NUP93: variants seen among roughly 807,000 people sequenced by gnomAD.
The protein encoded by NUP93 is nucleoporin 93.
NUP93 carries 55 observed loss-of-function variants against 107.8 expected under a neutral mutation model. The ratio of observed to expected loss-of-function variants is 0.51; its 90% CI spans 0.41 to 0.64. The LOEUF (loss-of-function observed/expected upper bound fraction) is 0.64, where lower values mean the gene tolerates loss of function less well. NUP93 is among the 30% of genes least tolerant of loss of function. The pLI, the probability that NUP93 is intolerant of heterozygous loss-of-function variation, is 0.00. For synonymous variants in NUP93, 390 were observed against 397.5 expected, an observed-to-expected ratio of 0.98 and a Z score of 0.22; for missense variants, 937 against 1,044.7, an observed-to-expected ratio of 0.90 and a Z score of 1.42.
intron 5 of NUP93, among the ~76,000 whole-genome samples, chr16:56,813,046 A>G (rs187954784): frequency 7.2e-5 from 11 of 152,348 alleles, no homozygotes; most frequent in African/African-American, 2.2e-4. Flanking sequence ...TCTATGAACA[A>G]TCCCTTAATG....
At chr16:56,805,749 T>C (rs1963124194) in intron 5 of NUP93, 117 bp downstream of exon 5, 1 of 1,156,350 alleles carries the variant, frequency 8.6e-7, no homozygotes, top group Admixed American at 2.2e-5. Flanking sequence ...TGAAACACTT[T>C]CTTCACTTAG....
chr16:56,797,165 G>A (rs1254635427), intron 3 of NUP93, among the ~76,000 whole-genome samples: 1 of 150,892 alleles, frequency 6.6e-6, no homozygotes, highest in African/African-American at 2.4e-5. Context: ...AGCTACTTGG[G>A]AGGCTGAGGC....
At chr16:56,779,774 ATAC>A (rs1962479276) in intron 3 of NUP93, among the ~76,000 whole-genome samples, 1 of 152,254 alleles carries the variant, frequency 6.6e-6, no homozygotes, top group Non-Finnish European at 1.5e-5. Flanking sequence ...TTTGTTGGCA[ATAC>A]TAAAGAGGAA....
At chr16:56,816,766 A>C (rs1422595265) in intron 5 of NUP93, among the ~76,000 whole-genome samples, 2 of 152,156 alleles carry the variant, frequency 1.3e-5, no homozygotes, top group African/African-American at 4.8e-5. Context: ...ACCTGTTGTT[A>C]AATTTTCAAG....
At chr16:56,738,226 G>A (rs528795515) in intron 1 of NUP93, among the ~76,000 whole-genome samples, 5 of 152,352 alleles carry the variant, frequency 3.3e-5, no homozygotes, top group East Asian at 1.9e-4. Flanking sequence ...GAGGGCTGGC[G>A]TGGGATGGAG....
At chr16:56,795,030 C>G (rs1051470084) in intron 3 of NUP93, among the ~76,000 whole-genome samples, 2 of 150,426 alleles carry the variant, frequency 1.3e-5, no homozygotes, top group Non-Finnish European at 1.5e-5. Context: ...TGACAGAACA[C>G]CAGACTTAAC....
chr16:56,834,920 A>C, intron 16 of NUP93, 142 bp downstream of exon 16: 1 of 637,782 alleles, frequency 1.6e-6, no homozygotes, highest in Non-Finnish European at 2.6e-6. Flanking sequence ...ATGGAATGAA[A>C]ATTATGGGCC....
chr16:56,827,402 C>T (rs1428341949), intron 8 of NUP93, among the ~76,000 whole-genome samples: 3 of 152,098 alleles, frequency 2.0e-5, no homozygotes, highest in East Asian at 1.9e-4. Flanking sequence ...AAAGTAAAAC[C>T]GTTGAGTAAA....
chr16:56,833,082 C>G, intron 12 of NUP93, 133 bp from the exon 13 acceptor site: 1 of 730,638 alleles, frequency 1.4e-6, no homozygotes, highest in South Asian at 1.9e-5. Flanking sequence ...TTGATCAATT[C>G]AGACTCAATC....
At chr16:56,817,510 T>TGA (rs1963457508) in intron 5 of NUP93, among the ~76,000 whole-genome samples, 1 of 152,218 alleles carries the variant, frequency 6.6e-6, no homozygotes, top group Non-Finnish European at 1.5e-5. Flanking sequence ...TTTTTATAAA[T>TGA]GAGATAAGCT....
At chr16:56,816,956 G>A (rs533681373) in intron 5 of NUP93, among the ~76,000 whole-genome samples, 49 of 152,194 alleles carry the variant, frequency 3.2e-4, no homozygotes, top group African/African-American at 9.9e-4. Context: ...AGTGATTGCC[G>A]TTGAAAGTAA....
rs754164838 is a variant in NUP93 at position 56,836,622 on chromosome 16, A to T, written c.1804A>T (p.Thr602Ser). ...TCAGCCTGGAGTCATAGATAAGTTT[A>T]CTAGTGACACAAAGCCTATTATCAA... ...SRKPGVIDKFTSDTKPIINKV... is the reference protein window; with the variant it reads ...SRKPGVIDKFSSDTKPIINKV... The change falls in exon 17 of 22, where the codon ACT becomes TCT. Residue 602 changes from threonine (T) to serine (S), a missense_variant. By Grantham distance (58) the Thr-to-Ser change is moderately conservative (BLOSUM62 1). Coordinates refer to ENST00000308159, the MANE Select transcript of NUP93 (RefSeq NM_014669.5). 9 of 1,612,986 alleles carry T rather than the reference A, an allele frequency of 5.6e-6. No homozygotes were observed. Among genetic ancestry groups the T allele is most frequent in the Non-Finnish European group, 7.6e-6 (9 of 1,179,020 alleles).
intron 3 of NUP93, among the ~76,000 whole-genome samples, chr16:56,760,967 C>A (rs73555577): frequency 0.028 from 4,211 of 151,532 alleles, 70 homozygotes; most frequent in South Asian, 0.059. Flanking sequence ...TCAAAAAAAA[C>A]CAAAAAAAAA....
intron 21 of NUP93, among the ~76,000 whole-genome samples, chr16:56,843,201 G>A (rs1234329270): frequency 4.6e-5 from 7 of 152,240 alleles, no homozygotes; most frequent in Non-Finnish European, 7.3e-5. Context: ...AATGTCAGAT[G>A]TGCCAGCGGT....
chr16:56,744,893 C>T (rs1961796388), intron 1 of NUP93, among the ~76,000 whole-genome samples: 1 of 152,138 alleles, frequency 6.6e-6, no homozygotes, highest in Admixed American at 6.5e-5. Context: ...AGTGGGTGCC[C>T]ATTTGGCAAA....
chr16:56,830,115 A>G (rs1963749753), intron 9 of NUP93, among the ~76,000 whole-genome samples: 1 of 152,212 alleles, frequency 6.6e-6, no homozygotes, highest in Non-Finnish European at 1.5e-5. Flanking sequence ...TGCTATAAGG[A>G]TAGTCTCTTA....
intron 9 of NUP93, 35 bp from the exon 10 acceptor site, chr16:56,830,493 T>G: frequency 6.6e-7 from 1 of 1,522,938 alleles, no homozygotes; most frequent in Admixed American, 2.0e-5. Context: ...AGCCTTTCCT[T>G]GTTTATTTTG....
chr16:56,730,740 G>A (rs1465642020), intron 1 of NUP93, among the ~76,000 whole-genome samples: 1 of 152,170 alleles, frequency 6.6e-6, no homozygotes, highest in Non-Finnish European at 1.5e-5. Flanking sequence ...TGGAACCCAG[G>A]GGTGGCCCAC....
chr16:56,763,417 G>A (rs955396639), intron 3 of NUP93, among the ~76,000 whole-genome samples: 2 of 152,084 alleles, frequency 1.3e-5, no homozygotes, highest in African/African-American at 4.8e-5. Context: ...TATTAAATAT[G>A]TAGTTTTTAA....
Sources: gnomAD v4.1 joint callset for allele counts (sites outside exome capture counted in the v4.1 genomes callset) on GRCh38, gnomAD v4.1.1 for gene constraint, MANE v1.5 for transcripts, NCBI Gene and HGNC (gene_info 2026-07-23, HGNC 2026-07-21) for gene names.